ZNF536: variants seen among roughly 807,000 people sequenced by gnomAD.
ZNF536 encodes the protein zinc finger protein 536.
Under a neutral mutation model 84.5 loss-of-function variants are expected in ZNF536, and 13 were observed. That is an observed-to-expected ratio of 0.15 (90% CI 0.10 to 0.24). The LOEUF is 0.24. Ranked by LOEUF, ZNF536 falls within the 10% of genes least tolerant of loss-of-function variation. The probability of loss-of-function intolerance (pLI) is 1.00; values close to 1 mark genes in which losing one functional copy is unlikely to be tolerated. For missense variants in ZNF536, 1,536 were observed against 1,747.5 expected (o/e 0.88, Z 2.16); for synonymous variants, 811 against 742.5 (o/e 1.09, Z -1.50).
At chr19:30,486,463 G>C (rs1359094904) in intron 2 of ZNF536, among the ~76,000 whole-genome samples, 1 of 152,138 alleles carries the variant, frequency 6.6e-6, no homozygotes, top group African/African-American at 2.4e-5. Flanking sequence ...AGTATTCCAT[G>C]GTATACATGT....
At chr19:30,546,050 C>T (rs1385267781) in intron 3 of ZNF536, among the ~76,000 whole-genome samples, 2 of 152,204 alleles carry the variant, frequency 1.3e-5, no homozygotes, top group Non-Finnish European at 2.9e-5. Flanking sequence ...CTGTGGGCCC[C>T]ATCACAACCC....
At chr19:30,449,341 T>C (rs1306070672) in intron 2 of ZNF536, among the ~76,000 whole-genome samples, 2 of 152,190 alleles carry the variant, frequency 1.3e-5, no homozygotes, top group Non-Finnish European at 2.9e-5. Context: ...TGCCTCCTCA[T>C]TTCTGGCTTG....
At chr19:30,476,049 C>G (rs1408088188) in intron 2 of ZNF536, among the ~76,000 whole-genome samples, 1 of 152,210 alleles carries the variant, frequency 6.6e-6, no homozygotes, top group Non-Finnish European at 1.5e-5. Context: ...TTACACATGA[C>G]TACCAAGGGC....
intron 1 of ZNF536, among the ~76,000 whole-genome samples, chr19:30,613,957 C>T (rs1282615940): frequency 3.9e-5 from 6 of 152,270 alleles, no homozygotes; most frequent in Middle Eastern, 3.4e-3. Flanking sequence ...CCGCCTCCTG[C>T]GTTAAAGCGA....
chr19:30,463,811 C>T (rs995553967), intron 2 of ZNF536, among the ~76,000 whole-genome samples: 3 of 151,924 alleles, frequency 2.0e-5, no homozygotes, highest in Admixed American at 6.6e-5. Context: ...CATGAGGGAG[C>T]GTGGGGGTTT....
chr19:30,527,219 C>CTTTTT (rs56404227), intron 2 of ZNF536, among the ~76,000 whole-genome samples: 160 of 106,130 alleles, frequency 1.5e-3, no homozygotes, highest in South Asian at 4.1e-3. Flanking sequence ...ACCCAGCCTC[C>CTTTTT]TTTTTTTTTT....
chr19:30,621,154 G>A (rs1366188825), intron 1 of ZNF536, among the ~76,000 whole-genome samples: 3 of 151,928 alleles, frequency 2.0e-5, no homozygotes, highest in Non-Finnish European at 4.4e-5. Flanking sequence ...ATACTTGCTT[G>A]GCAGGGAAGG....
chr19:30,470,269 A>T (rs1372508175), intron 2 of ZNF536, among the ~76,000 whole-genome samples: 1 of 152,192 alleles, frequency 6.6e-6, no homozygotes, highest in African/African-American at 2.4e-5. Context: ...TTTGCAGAAA[A>T]GTTGCAAGAA....
chr19:30,491,634 A>T (rs921741700), intron 2 of ZNF536, among the ~76,000 whole-genome samples: 2 of 152,122 alleles, frequency 1.3e-5, no homozygotes, highest in Non-Finnish European at 2.9e-5. Flanking sequence ...ATGGGGGAGA[A>T]TGAAACCTGA....
In ZNF536 at chr19:30,568,765, G is replaced by C. The variant is rs368141403; in HGVS notation, c.169+19251G>C. Among the ~76,000 whole-genome samples the C allele has an allele frequency of 2.2e-4, 34 of 152,326 alleles. 1 individual carries two copies. The highest frequency in any genetic ancestry group is 1.5e-3 in the East Asian group (8 of 5,184). On this transcript the variant is annotated intron_variant, in intron 1 of 1. Coordinates refer to the ZNF536 transcript ENST00000592773. ...CAGGCCCTTAGTTCTGGCACAGTGG[G>C]ACCCCGGTGATGGGGGCAAAGATTT...
chr19:30,338,327 TGAC>T (rs1007216985), intron 2 of ZNF536, among the ~76,000 whole-genome samples: 3 of 151,578 alleles, frequency 2.0e-5, no homozygotes, highest in Non-Finnish European at 4.4e-5. Context: ...ATGATGATGA[TGAC>T]AATGTTGATA....
At chr19:30,348,311 A>G (rs1358291170) in intron 2 of ZNF536, among the ~76,000 whole-genome samples, 1 of 152,156 alleles carries the variant, frequency 6.6e-6, no homozygotes, top group African/African-American at 2.4e-5. Context: ...GGCATCTTTC[A>G]TATGATTGGA....
intron 1 of ZNF536, among the ~76,000 whole-genome samples, chr19:30,604,096 A>G (rs1167776079): frequency 6.6e-6 from 1 of 151,890 alleles, no homozygotes; most frequent in East Asian, 1.9e-4. Flanking sequence ...TCTTAATTTA[A>G]AAAAAAAGTG....
At chr19:30,659,428 C>T (rs971493258) in intron 1 of ZNF536, among the ~76,000 whole-genome samples, 2 of 152,104 alleles carry the variant, frequency 1.3e-5, no homozygotes, top group Non-Finnish European at 2.9e-5. Context: ...TCCAATCACT[C>T]CCACCAGGTC....
At chr19:30,353,384 T>C (rs2047994384) in intron 3 of ZNF536, among the ~76,000 whole-genome samples, 1 of 152,210 alleles carries the variant, frequency 6.6e-6, no homozygotes, top group Non-Finnish European at 1.5e-5. Flanking sequence ...TTTTCCTTTT[T>C]TTACCCCCTT....
intron 2 of ZNF536, among the ~76,000 whole-genome samples, chr19:30,466,181 C>G (rs554371716): frequency 6.6e-6 from 1 of 151,434 alleles, no homozygotes; most frequent in East Asian, 1.9e-4. Flanking sequence ...AATGATCGTT[C>G]CACTGCATTC....
chr19:30,600,862 C>A (rs1269892903), intron 1 of ZNF536, among the ~76,000 whole-genome samples: 1 of 152,234 alleles, frequency 6.6e-6, no homozygotes, highest in Non-Finnish European at 1.5e-5. Flanking sequence ...TGCCAAGCAT[C>A]GAGTGTGGGC....
At chr19:30,675,917 G>A (rs2050736967) in intron 1 of ZNF536, among the ~76,000 whole-genome samples, 1 of 152,134 alleles carries the variant, frequency 6.6e-6, no homozygotes, top group African/African-American at 2.4e-5. Flanking sequence ...GAGTGCAGTT[G>A]TGTGATCATA....
At chr19:30,705,617 A>T (rs2148033570) in intron 1 of ZNF536, among the ~76,000 whole-genome samples, 1 of 152,336 alleles carries the variant, frequency 6.6e-6, no homozygotes, top group South Asian at 2.1e-4. Context: ...ATATGAGGAT[A>T]AACATGCAAA....
Sources: allele counts gnomAD v4.1 joint callset (sites outside exome capture counted in the v4.1 genomes callset), GRCh38; gene constraint gnomAD v4.1.1; transcripts MANE v1.5; gene names NCBI Gene and HGNC (gene_info 2026-07-23, HGNC 2026-07-21).